Variants in CFAP77 observed in about 807,000 individuals in gnomAD.
CFAP77 encodes the protein cilia and flagella associated protein 77.
A neutral mutation model predicts 31.1 loss-of-function variants in CFAP77; 25 were observed. The observed-to-expected ratio is 0.80, with a 90% CI of 0.59 to 1.12. The LOEUF is 1.12. Ranked by LOEUF, CFAP77 falls within the 50% of genes most tolerant of loss-of-function variation. CFAP77 has a pLI of 0.00. For missense variants in CFAP77, 377 were observed against 397.3 expected (o/e 0.95, Z 0.44); for synonymous variants, 151 against 159.9 (o/e 0.94, Z 0.42).
intron 1 of CFAP77, among the ~76,000 whole-genome samples, chr9:132,469,173 G>A (rs964097096): frequency 2.0e-5 from 3 of 152,154 alleles, no homozygotes; most frequent in African/African-American, 7.2e-5. Context: ...GTGAGAAGCC[G>A]GAGTACCAGG....
intron 1 of CFAP77, among the ~76,000 whole-genome samples, chr9:132,472,351 A>T (rs552595249): frequency 6.6e-6 from 1 of 152,344 alleles, no homozygotes; most frequent in South Asian, 2.1e-4. Flanking sequence ...TGCAAAAGCC[A>T]TTCTATAATT....
At chr9:132,439,657 T>C (rs1031200838) in intron 1 of CFAP77, among the ~76,000 whole-genome samples, 17 of 151,900 alleles carry the variant, frequency 1.1e-4, no homozygotes, top group African/African-American at 2.7e-4. Context: ...CCATCCTGGC[T>C]AACATGGTGA....
chr9:132,533,323 C>G (rs906488089), intron 3 of CFAP77, among the ~76,000 whole-genome samples: 1 of 152,178 alleles, frequency 6.6e-6, no homozygotes, highest in Admixed American at 6.5e-5. Flanking sequence ...CTGAGGAACC[C>G]CTGTGTACGA....
intron 5 of CFAP77, among the ~76,000 whole-genome samples, chr9:132,546,623 C>A (rs896303903): frequency 3.9e-5 from 6 of 152,234 alleles, no homozygotes; most frequent in Non-Finnish European, 8.8e-5. Flanking sequence ...CTGGATGACC[C>A]GGGCCACTTA....
chr9:132,491,748 C>T (rs1193970685), intron 1 of CFAP77, among the ~76,000 whole-genome samples: 2 of 152,148 alleles, frequency 1.3e-5, no homozygotes, highest in Non-Finnish European at 2.9e-5. Context: ...CTCACATTTA[C>T]ATCAATATTT....
chr9:132,525,762 T>A (rs1404708720), intron 3 of CFAP77, among the ~76,000 whole-genome samples: 1 of 152,248 alleles, frequency 6.6e-6, no homozygotes, highest in Non-Finnish European at 1.5e-5. Context: ...CCTGCTTCCC[T>A]CTATTTCCCA....
rs956640402 is a variant in CFAP77 at position 132,517,621 on chromosome 9, G to A, written c.524+18021G>A. ...AGGCTCCTCCAGCTTCCTCTCTTCCGCCAAGTTCTCCAGCTCCACAAAGTT... is the reference window on the plus strand; with the variant it reads ...AGGCTCCTCCAGCTTCCTCTCTTCCACCAAGTTCTCCAGCTCCACAAAGTT... On this transcript the variant is annotated intron_variant, in intron 3 of 5. Coordinates refer to ENST00000393216, the MANE Select transcript of CFAP77 (RefSeq NM_001282957.2). This position sits in a 1 kb window ranked among gnomAD's most constrained non-coding sequence, Gnocchi z 4.7. Among the ~76,000 whole-genome samples, 1 of 152,288 alleles carries A rather than the reference G, an allele frequency of 6.6e-6. No homozygotes were observed. Among genetic ancestry groups the A allele is most frequent in the South Asian group, 2.1e-4 (1 of 4,830 alleles).
intron 1 of CFAP77, among the ~76,000 whole-genome samples, chr9:132,448,844 C>G (rs1453033569): frequency 6.6e-6 from 1 of 152,172 alleles, no homozygotes; most frequent in Non-Finnish European, 1.5e-5. Flanking sequence ...ACCTCGGCCT[C>G]CCAAAGTGGT....
At chr9:132,486,098 T>TATTTTATTTTATTTTA (rs1269921105) in intron 1 of CFAP77, among the ~76,000 whole-genome samples, 2 of 81,380 alleles carry the variant, frequency 2.5e-5, no homozygotes, top group Non-Finnish European at 4.4e-5. Flanking sequence ...ATATTTTTTT[T>TATTTTATTTTATTTTA]TTTTTTTTTT....
At chr9:132,487,399 T>A (rs930798208) in intron 1 of CFAP77, among the ~76,000 whole-genome samples, 2 of 151,922 alleles carry the variant, frequency 1.3e-5, no homozygotes, top group African/African-American at 4.8e-5. Flanking sequence ...CAGAGCAGAG[T>A]TGCAATGACA....
rs927987185 is a variant in CFAP77, at chr9:132,481,174, C to T, written c.196-17521C>T. Among the ~76,000 whole-genome samples, 7 of 152,104 alleles carry T rather than the reference C, an allele frequency of 4.6e-5. No homozygotes were observed. The highest frequency in any genetic ancestry group is 2.1e-4 in the South Asian group (1 of 4,820). The stretch of plus-strand genomic sequence containing the variant: ...GACAGAGCCTGGGGACTGTAAGACC[C>T]CAAGCTACTGCTGCCCTTGGGAGCT... On this transcript the variant is annotated intron_variant, in intron 1 of 5. Coordinates refer to ENST00000393216, the MANE Select transcript of CFAP77 (RefSeq NM_001282957.2). The surrounding 1 kb of genome is among the most constrained non-coding windows in gnomAD (Gnocchi z 5.0).
At chr9:132,479,740 G>A (rs1018662116) in intron 1 of CFAP77, among the ~76,000 whole-genome samples, 4 of 152,176 alleles carry the variant, frequency 2.6e-5, no homozygotes, top group Admixed American at 1.3e-4. Context: ...GTTTGGACAC[G>A]TAGCATCAAC....
intron 3 of CFAP77, among the ~76,000 whole-genome samples, chr9:132,526,661 A>G (rs1852371160): frequency 7.4e-6 from 1 of 134,804 alleles, no homozygotes. Context: ...ATAAAAAATG[A>G]TAAAGGGGAT....
chr9:132,472,328 C>G (rs1367080038), intron 1 of CFAP77, among the ~76,000 whole-genome samples: 1 of 152,178 alleles, frequency 6.6e-6, no homozygotes. Context: ...TTTCAAGACT[C>G]TTTATTGTAG....
intron 1 of CFAP77, among the ~76,000 whole-genome samples, chr9:132,474,511 C>T (rs914903065): frequency 1.3e-4 from 20 of 152,190 alleles, no homozygotes; most frequent in Admixed American, 5.9e-4. Context: ...CAAAGGCCAC[C>T]GTTGGAATGT....
intron 1 of CFAP77, among the ~76,000 whole-genome samples, chr9:132,450,896 G>T (rs1850813755): frequency 6.6e-6 from 1 of 152,162 alleles, no homozygotes; most frequent in South Asian, 2.1e-4. Flanking sequence ...CAAATGAATG[G>T]GTTGGAGAGC....
At position 132,453,328 on chromosome 9, in the gene CFAP77, CAGCCTGGGCAACA is replaced by C. The variant is rs1277760207; in HGVS notation, c.195+42863_195+42875del. 3.5e-3 allele frequency among the ~76,000 whole-genome samples: 532 copies of C among 150,090 alleles called. 16 individuals are homozygous for C. Among genetic ancestry groups the C allele is most frequent in the Middle Eastern group, 0.024 (7 of 288 alleles). On this transcript the variant is annotated intron_variant, in intron 1 of 5. Transcript: ENST00000393216. ...TTGCCTGAGCTCCGGAGTTCGAGAC[CAGCCTGGGCAACA>C]CGGTGAAACTCCGTCTCTGCTAAAA...
intron 5 of CFAP77, among the ~76,000 whole-genome samples, chr9:132,549,608 C>T (rs1259605648): frequency 6.6e-6 from 1 of 152,088 alleles, no homozygotes; most frequent in African/African-American, 2.4e-5. Flanking sequence ...GAGGCTGAGG[C>T]GGGTGGATCA....
intron 3 of CFAP77, among the ~76,000 whole-genome samples, chr9:132,518,177 T>A (rs1404248547): frequency 6.6e-6 from 1 of 151,958 alleles, no homozygotes; most frequent in Non-Finnish European, 1.5e-5. Context: ...TTGGAAGCCC[T>A]CACAGCCCGA....
Sources: allele counts gnomAD v4.1 joint callset (sites outside exome capture counted in the v4.1 genomes callset), GRCh38; gene constraint gnomAD v4.1.1; non-coding constraint Gnocchi (gnomAD v3.1); transcripts MANE v1.5; gene names NCBI Gene and HGNC (gene_info 2026-07-23, HGNC 2026-07-21).